The following DAB1 variants were observed in gnomAD, a reference collection of about 807,000 sequenced individuals.
DAB1 encodes the protein disabled homolog 1.
Under a neutral mutation model 64.6 loss-of-function variants are expected in DAB1, and 15 were observed. The observed-to-expected ratio is 0.23, with a 90% CI of 0.16 to 0.36. The LOEUF is 0.36. Among genes scored for constraint, DAB1 ranks in the 10% least tolerant of loss-of-function variants. The pLI, the probability that DAB1 is intolerant of heterozygous loss-of-function variation, is 1.00. For missense variants in DAB1, 596 were observed against 706.7 expected, an observed-to-expected ratio of 0.84 and a Z score of 1.78; for synonymous variants, 235 against 251.9, an observed-to-expected ratio of 0.93 and a Z score of 0.64.
chr1:58,486,216 T>C (rs893705296), intron 3 of DAB1, among the ~76,000 whole-genome samples: 1 of 152,230 alleles, frequency 6.6e-6, no homozygotes, highest in Non-Finnish European at 1.5e-5. Flanking sequence ...GGACCTTACC[T>C]ACAGAAATGC....
intron 2 of DAB1, among the ~76,000 whole-genome samples, chr1:57,178,363 A>T (rs557611917): frequency 9.9e-5 from 15 of 152,200 alleles, no homozygotes; most frequent in African/African-American, 3.6e-4. Flanking sequence ...ATGGAGTTTT[A>T]AAATTGTAGC....
intron 1 of DAB1, among the ~76,000 whole-genome samples, chr1:57,360,894 T>C (rs1679492499): frequency 6.6e-6 from 1 of 152,100 alleles, no homozygotes; most frequent in Non-Finnish European, 1.5e-5. Context: ...ATTCTGTTTA[T>C]CCATTATTTC....
chr1:57,131,865 G>A (rs1452779450), intron 4 of DAB1, among the ~76,000 whole-genome samples: 1 of 152,062 alleles, frequency 6.6e-6, no homozygotes, highest in African/African-American at 2.4e-5. Flanking sequence ...TAGTTTTTAT[G>A]TAGTAAGTAT....
At chr1:58,478,946 T>C (rs1325705982) in intron 3 of DAB1, among the ~76,000 whole-genome samples, 4 of 152,226 alleles carry the variant, frequency 2.6e-5, no homozygotes, top group Non-Finnish European at 5.9e-5. Context: ...TATATACATC[T>C]TGTATTTCAA....
At chr1:58,474,540 C>T (rs374312640) in intron 3 of DAB1, among the ~76,000 whole-genome samples, 1 of 152,172 alleles carries the variant, frequency 6.6e-6, no homozygotes, top group African/African-American at 2.4e-5. Context: ...AGTACCCTAA[C>T]TCCTGTGTTG....
chr1:58,045,365 C>G (rs908360462), intron 5 of DAB1, among the ~76,000 whole-genome samples: 2 of 152,182 alleles, frequency 1.3e-5, no homozygotes, highest in Non-Finnish European at 2.9e-5. Context: ...GGGGGACGGT[C>G]TGCAGCTTCA....
intron 4 of DAB1, among the ~76,000 whole-genome samples, chr1:58,203,456 C>T (rs79552099): frequency 1.1e-3 from 171 of 152,328 alleles, no homozygotes; most frequent in African/African-American, 4.0e-3. Context: ...ATTCACCCAA[C>T]TGTCTCCATA....
At chr1:57,091,830 T>C (rs1418870775) in intron 4 of DAB1, among the ~76,000 whole-genome samples, 2 of 152,148 alleles carry the variant, frequency 1.3e-5, no homozygotes, top group Non-Finnish European at 2.9e-5. Flanking sequence ...ACCTAATAAA[T>C]GTTACCTAAG....
At position 58,145,131 on chromosome 1, in the gene DAB1, CA is replaced by C. The variant is rs369603496; in HGVS notation, n.387+5379del. Among the ~76,000 whole-genome samples the C allele has an allele frequency of 1.2e-4, 18 of 152,340 alleles. No individual in the cohort carries two copies. The East Asian group carries it at 3.5e-3, about 29-fold the overall frequency. On this transcript the variant is annotated intron_variant and non_coding_transcript_variant, in intron 5 of 20. Coordinates refer to the DAB1 transcript ENST00000485760. ...GCTACATTGTACTGCATGAAAGAAC[CA>C]GCCCAAACCAGCTTCACATGCCAAG... is the stretch of plus-strand genomic sequence containing the variant.
chr1:57,918,802 C>T (rs888815865), intron 5 of DAB1, among the ~76,000 whole-genome samples: 3 of 151,492 alleles, frequency 2.0e-5, no homozygotes, highest in Non-Finnish European at 2.9e-5. Flanking sequence ...CCAGCCTGGT[C>T]GACAGAGCGA....
At chr1:57,281,537 C>G (rs1339722385) in intron 2 of DAB1, among the ~76,000 whole-genome samples, 1 of 152,108 alleles carries the variant, frequency 6.6e-6, no homozygotes, top group Admixed American at 6.6e-5. Flanking sequence ...GTGAGGAATG[C>G]GCCTGGACAG....
chr1:57,159,807 T>C (rs1239513477), intron 2 of DAB1, among the ~76,000 whole-genome samples: 2 of 87,768 alleles, frequency 2.3e-5, no homozygotes, highest in African/African-American at 4.5e-5. Context: ...CCAGGAATCA[T>C]AGAAAAATGG....
At chr1:57,268,362 T>C (rs1202771197) in intron 2 of DAB1, among the ~76,000 whole-genome samples, 4 of 152,240 alleles carry the variant, frequency 2.6e-5, no homozygotes, top group Non-Finnish European at 5.9e-5. Flanking sequence ...GTTAACCTTA[T>C]GGCAATTAAC....
chr1:58,422,452 G>A (rs1019228710), intron 3 of DAB1, among the ~76,000 whole-genome samples: 1 of 151,920 alleles, frequency 6.6e-6, no homozygotes, highest in Non-Finnish European at 1.5e-5. Flanking sequence ...TCAAGGTTTG[G>A]TTGTTCAGGA....
rs543899741 is a variant in DAB1 at position 58,183,009 on chromosome 1, T to C, written n.310-32421A>G. Among the ~76,000 whole-genome samples the C allele has an allele frequency of 4.6e-5, 7 of 152,166 alleles. No individual in the cohort carries two copies. In the South Asian group the frequency reaches 1.2e-3, roughly 27 times the overall value. On this transcript the variant is annotated intron_variant and non_coding_transcript_variant, in intron 4 of 20. Coordinates refer to the DAB1 transcript ENST00000485760. The stretch of plus-strand genomic sequence containing the variant: ...TTTGTTCAGTGACTTTGTTTGACTA[T>C]TTCTGTAGAATTTGTCTCCCCCAGA...
At chr1:57,420,156 T>C (rs1447270355) in intron 1 of DAB1, among the ~76,000 whole-genome samples, 1 of 152,226 alleles carries the variant, frequency 6.6e-6, no homozygotes, top group African/African-American at 2.4e-5. Flanking sequence ...TTTTGTTTGC[T>C]AGCATCCAAA....
At chr1:58,153,040 C>T (rs1000265873) in intron 4 of DAB1, among the ~76,000 whole-genome samples, 1 of 152,160 alleles carries the variant, frequency 6.6e-6, no homozygotes, top group East Asian at 1.9e-4. Flanking sequence ...CACTAGCAAC[C>T]AAGCTCATCT....
intron 5 of DAB1, among the ~76,000 whole-genome samples, chr1:58,104,401 G>A (rs1651511951): frequency 6.6e-6 from 1 of 152,218 alleles, no homozygotes; most frequent in Non-Finnish European, 1.5e-5. Flanking sequence ...TAGTGGAAAT[G>A]AAATCACTGG....
At chr1:57,755,209 A>G (rs1648749250) in intron 6 of DAB1, among the ~76,000 whole-genome samples, 1 of 151,892 alleles carries the variant, frequency 6.6e-6, no homozygotes, top group Non-Finnish European at 1.5e-5. Flanking sequence ...CAGTTTGTCA[A>G]TTTGTCTAAA....
Sources: gnomAD v4.1 joint callset for allele counts (sites outside exome capture counted in the v4.1 genomes callset) on GRCh38, gnomAD v4.1.1 for gene constraint, MANE v1.5 for transcripts, NCBI Gene and HGNC (gene_info 2026-07-23, HGNC 2026-07-21) for gene names.